The following XRN1 variants were observed in gnomAD, a reference collection of about 807,000 sequenced individuals.
XRN1 encodes strand-exchange protein 1 homolog.
A neutral mutation model predicts 222.3 loss-of-function variants in XRN1; 67 were observed. That is an observed-to-expected ratio of 0.30 (90% CI 0.25 to 0.37). XRN1 has a LOEUF of 0.37. XRN1 is among the 10% of genes least tolerant of loss of function. XRN1 has a pLI of 1.00. For synonymous variants in XRN1, 643 were observed against 652.4 expected, an observed-to-expected ratio of 0.99 and a Z score of 0.22; for missense variants, 1,707 against 2,000.2, an observed-to-expected ratio of 0.85 and a Z score of 2.80.
chr3:142,365,539 T>C (rs889561690), intron 27 of XRN1, among the ~76,000 whole-genome samples, 173 bp from the exon 28 acceptor site: 1 of 152,164 alleles, frequency 6.6e-6, no homozygotes, highest in African/African-American at 2.4e-5. Context: ...ATAAAATGCC[T>C]ATAGCCTAAA....
In XRN1 at chr3:142,371,248, T is replaced by G. The variant is rs201145237; in HGVS notation, c.3059A>C (p.Asn1020Thr). The change falls in exon 26 of 41, where the codon AAT (asparagine) becomes ACT (threonine). Residue 1020 changes from asparagine to threonine, a missense_variant. Around this residue, in one of 2 missense-constraint regions of XRN1, gnomAD observed 1,234 missense variants for 1,518.2 expected, o/e 0.81. Transcript: ENST00000392981. The stretch of plus-strand genomic sequence containing the variant: ...CATAAATCTTGCTTACCCATTCTCA[T>G]TTTCTCCAGGCCAAATGTCATCTTC... ...FYEDDIWPGE[N>T]ENGAEKVQEI... 6.2e-7 allele frequency: 1 copy of G among 1,613,104 alleles called. No individual in the cohort carries two copies. Among genetic ancestry groups the G allele is most frequent in the Non-Finnish European group, 8.5e-7 (1 of 1,179,700 alleles).
intron 39 of XRN1, among the ~76,000 whole-genome samples, chr3:142,314,569 T>C (rs536007509): frequency 7.2e-5 from 11 of 152,200 alleles, no homozygotes; most frequent in South Asian, 2.1e-4. Context: ...CATTGAGCTA[T>C]ATAAAAACAT....
chr3:142,323,301 T>G (rs902463331), intron 37 of XRN1, among the ~76,000 whole-genome samples: 22 of 151,958 alleles, frequency 1.4e-4, no homozygotes, highest in Admixed American at 2.0e-4. Flanking sequence ...TTTGTTTTTT[T>G]TTTTTAAATG....
chr3:142,325,813 T>A (rs560111668), intron 37 of XRN1, among the ~76,000 whole-genome samples: 1 of 152,304 alleles, frequency 6.6e-6, no homozygotes, highest in African/African-American at 2.4e-5. Context: ...AACATTTAAG[T>A]CTTTAATCCA....
At chr3:142,341,717 G>A (rs73238145) in intron 33 of XRN1, among the ~76,000 whole-genome samples, 19,488 of 151,942 alleles carry the variant, frequency 0.13, 1,274 homozygotes, top group Non-Finnish European at 0.14. Flanking sequence ...ACAAATAAAG[G>A]GATGGAAAAA....
At chr3:142,336,986 A>C (rs1215207992) in intron 33 of XRN1, among the ~76,000 whole-genome samples, 1 of 152,180 alleles carries the variant, frequency 6.6e-6, no homozygotes, top group African/African-American at 2.4e-5. Flanking sequence ...TACCAAACTG[A>C]ACCAAAGTTA....
At chr3:142,320,796 CTT>C (rs576263818) in intron 37 of XRN1, among the ~76,000 whole-genome samples, 246 of 152,080 alleles carry the variant, frequency 1.6e-3, no homozygotes, top group African/African-American at 4.6e-3. Context: ...CTTTTTCACT[CTT>C]GTTATTGTCT....
intron 27 of XRN1, among the ~76,000 whole-genome samples, chr3:142,366,847 CATTG>C (rs2066828366): frequency 2.0e-5 from 3 of 152,172 alleles, no homozygotes; most frequent in Admixed American, 6.5e-5. Flanking sequence ...TACACTATAG[CATTG>C]ATTAGAGGAC....
At chr3:142,321,700 T>C (rs2065361523) in intron 37 of XRN1, among the ~76,000 whole-genome samples, 1 of 152,224 alleles carries the variant, frequency 6.6e-6, no homozygotes, top group South Asian at 2.1e-4. Flanking sequence ...TTTTATTCCT[T>C]AGCATTTTAT....
intron 36 of XRN1, among the ~76,000 whole-genome samples, chr3:142,331,143 G>A (rs966119299): frequency 8.5e-5 from 13 of 152,106 alleles, no homozygotes; most frequent in African/African-American, 2.7e-4. Flanking sequence ...TCTTTAATAC[G>A]CTTAGATCTG....
rs559340610 is a variant in XRN1, at chr3:142,447,807, G to A, written c.75+63C>T. The A allele has an allele frequency of 3.7e-5, 59 of 1,583,872 alleles. No individual in the cohort carries two copies. The African/African-American group carries it at 6.7e-4, about 18-fold the overall frequency. On this transcript the variant is annotated intron_variant, in intron 1 of 40. Coordinates refer to ENST00000392981, the MANE Select transcript of XRN1 (RefSeq NM_001282857.2). This position sits in a 1 kb window ranked among gnomAD's most constrained non-coding sequence, Gnocchi z 4.2. ...GTGGCTCGAAAGCCCCAGCTCTAAGGTGGAGAGGGCCGCGGAGCCCCGGGT... is the reference window on the plus strand; with the variant it reads ...GTGGCTCGAAAGCCCCAGCTCTAAGATGGAGAGGGCCGCGGAGCCCCGGGT...
Position 142,376,509 on chromosome 3 carries a change from C to T in XRN1, c.2801G>A (p.Ser934Asn). ...SGYLVSRFTG[S>N]IFIGRGSRRN... The stretch of plus-strand genomic sequence containing the variant: ...CCTAGATCCTCTTCCAATAAAAATA[C>T]TTCCTGTAAACCTTGAAACAAGGTA... Residue 934 changes from serine to asparagine, a missense_variant, in exon 24 of 41, where the codon AGT (serine) becomes AAT (asparagine). By Grantham distance (46) the Ser-to-Asn change is conservative. Around this residue, in one of 2 missense-constraint regions of XRN1, gnomAD observed 1,234 missense variants for 1,518.2 expected, o/e 0.81. Transcript: ENST00000392981. 6.2e-7 allele frequency: 1 copy of T among 1,613,048 alleles called. No homozygotes were observed. The highest frequency in any genetic ancestry group is 8.5e-7 in the Non-Finnish European group (1 of 1,179,380).
intron 28 of XRN1, 23 bp from the exon 29 acceptor site, chr3:142,365,202 T>C (rs773531407): frequency 2.5e-6 from 4 of 1,588,384 alleles, no homozygotes; most frequent in East Asian, 4.5e-5. Context: ...AAGCTATTAA[T>C]TATAATAAAC....
Position 142,311,881 on chromosome 3 carries a change from A to G in XRN1, c.4783-68T>C, listed in dbSNP as rs1307781224. 6 of 1,451,062 alleles carry G rather than the reference A, an allele frequency of 4.1e-6. No homozygotes were observed. The Admixed American group carries it at 1.1e-4, about 27-fold the overall frequency. The allele number at this position is 1,451,062 out of a possible 1,614,324, so 89.9% of individuals were successfully genotyped here. A position where few individuals can be genotyped will look rare whatever the true frequency, so the allele number is the denominator to read the frequency against. ...AAATTAGCTAGTGTTGGAAATTACC[A>G]TAAACCATGCATGCTGTTAATATTT... On this transcript the variant is annotated intron_variant, in intron 40 of 40. Transcript: ENST00000392981.
intron 33 of XRN1, among the ~76,000 whole-genome samples, chr3:142,342,306 GAGAA>G (rs1167496927): frequency 6.6e-6 from 1 of 152,040 alleles, no homozygotes. Flanking sequence ...CACAAAAAAA[GAGAA>G]AGATATTCCA....
chr3:142,355,963 A>G (rs2066456401), intron 31 of XRN1, among the ~76,000 whole-genome samples: 1 of 152,052 alleles, frequency 6.6e-6, no homozygotes, highest in East Asian at 1.9e-4. Context: ...CTTTTTTTCT[A>G]AAGCTCAGCA....
At chr3:142,330,082 A>G (rs2065651422) in intron 36 of XRN1, among the ~76,000 whole-genome samples, 1 of 152,250 alleles carries the variant, frequency 6.6e-6, no homozygotes, top group Non-Finnish European at 1.5e-5. Context: ...CTAACTGCCA[A>G]AAATTAAAAC....
chr3:142,359,621 C>T (rs1307561092), intron 30 of XRN1, among the ~76,000 whole-genome samples: 4 of 152,142 alleles, frequency 2.6e-5, no homozygotes, highest in African/African-American at 9.7e-5. Context: ...TTCTTCCTAG[C>T]ACTTGCCATG....
At chr3:142,373,747 G>A (rs970600215) in intron 25 of XRN1, among the ~76,000 whole-genome samples, 5 of 152,144 alleles carry the variant, frequency 3.3e-5, no homozygotes, top group African/African-American at 9.7e-5. Flanking sequence ...CAGCACTTTG[G>A]GAGGCCGAGG....
Sources: gnomAD v4.1 joint callset for allele counts (sites outside exome capture counted in the v4.1 genomes callset) on GRCh38, gnomAD v4.1.1 for gene constraint, gnomAD v4.1.1 regional missense constraint, Gnocchi (gnomAD v3.1) non-coding constraint, MANE v1.5 for transcripts, NCBI Gene and HGNC (gene_info 2026-07-23, HGNC 2026-07-21) for gene names.